C10orf90: variants seen among roughly 807,000 people sequenced by gnomAD.
C10orf90 encodes the protein (E2-independent) E3 ubiquitin-conjugating enzyme FATS.
A neutral mutation model predicts 62.5 loss-of-function variants in C10orf90; 56 were observed. That is an observed-to-expected ratio of 0.90 (90% CI 0.72 to 1.12). C10orf90 has a LOEUF of 1.12. C10orf90 is among the 50% of genes most tolerant of loss of function. The pLI is 0.00. For missense variants in C10orf90, 970 were observed against 880.4 expected (o/e 1.10, Z -1.29); for synonymous variants, 386 against 340.4 (o/e 1.13, Z -1.47).
At chr10:126,655,042 C>T (rs977941723) in intron 1 of C10orf90, among the ~76,000 whole-genome samples, 2 of 152,026 alleles carry the variant, frequency 1.3e-5, no homozygotes, top group African/African-American at 2.4e-5. Context: ...AATATGAGGC[C>T]GGGCGCGGTG....
intron 6 of C10orf90, among the ~76,000 whole-genome samples, chr10:126,460,431 C>A (rs935614940): frequency 6.6e-6 from 1 of 152,204 alleles, no homozygotes; most frequent in East Asian, 1.9e-4. Context: ...AGTGCCCAGG[C>A]GGAAGAAGTG....
intron 2 of C10orf90, among the ~76,000 whole-genome samples, chr10:126,615,681 AC>A (rs1222027956): frequency 6.6e-6 from 1 of 152,056 alleles, no homozygotes; most frequent in Non-Finnish European, 1.5e-5. Flanking sequence ...CATTGTAGGG[AC>A]CAAAAATGAG....
chr10:126,498,356 C>T (rs750065149), intron 4 of C10orf90, among the ~76,000 whole-genome samples: 11 of 152,190 alleles, frequency 7.2e-5, no homozygotes, highest in Non-Finnish European at 1.3e-4. Flanking sequence ...AGTCACTGCC[C>T]CCACTCCTGG....
In C10orf90 at chr10:126,459,168, C is replaced by T. The variant is rs146050899; in HGVS notation, c.2060G>A (p.Arg687Gln). 108 of 1,614,142 alleles carry T rather than the reference C, an allele frequency of 6.7e-5. No homozygotes were observed. Among genetic ancestry groups the T allele is most frequent in the African/African-American group, 4.0e-4 (30 of 75,044 alleles). The part of the protein sequence containing the change: ...KPQFISRSQE[R>Q]LKKLEHMVQQ... ...GACCATGTGTTCAAGCTTCTTCAGCCGTTCTTGTGAGCGAGAAATGAACTG... is the reference window on the plus strand; with the variant it reads ...GACCATGTGTTCAAGCTTCTTCAGCTGTTCTTGTGAGCGAGAAATGAACTG... Residue 687 changes from arginine (R) to glutamine (Q), a missense_variant, in exon 7 of 10, where the codon CGG (arginine) becomes CAG (glutamine). Physicochemically the swap from Arg to Gln is conservative, Grantham distance 43 (BLOSUM62 1). Transcript: ENST00000488181.
At chr10:126,530,203 C>T (rs138403187) in intron 2 of C10orf90, among the ~76,000 whole-genome samples, 20 of 151,718 alleles carry the variant, frequency 1.3e-4, no homozygotes, top group Admixed American at 3.3e-4. Context: ...ATAAACTATA[C>T]GTATGCACAT....
At chr10:126,432,293 C>G (rs1405588686) in intron 7 of C10orf90, among the ~76,000 whole-genome samples, 1 of 152,128 alleles carries the variant, frequency 6.6e-6, no homozygotes, top group Middle Eastern at 3.2e-3. Flanking sequence ...TTTGGGAGCC[C>G]TGACCAAGAA....
At chr10:126,645,484 G>T (rs1846151985) in intron 2 of C10orf90, among the ~76,000 whole-genome samples, 1 of 151,846 alleles carries the variant, frequency 6.6e-6, no homozygotes, top group Non-Finnish European at 1.5e-5. Context: ...CAGCTACTTG[G>T]GAGGCTGAAG....
intron 4 of C10orf90, among the ~76,000 whole-genome samples, chr10:126,487,886 T>G (rs1322198249): frequency 6.6e-6 from 1 of 152,100 alleles, no homozygotes; most frequent in Non-Finnish European, 1.5e-5. Flanking sequence ...AGTATCTCTG[T>G]TTGAGGGGAT....
intron 7 of C10orf90, among the ~76,000 whole-genome samples, chr10:126,431,381 C>A (rs1182455375): frequency 6.6e-6 from 1 of 152,156 alleles, no homozygotes; most frequent in Non-Finnish European, 1.5e-5. Context: ...TAAGAAGGAG[C>A]AGTGAGAAAA....
chr10:126,465,072 G>A (rs1304468062), intron 4 of C10orf90, 86 bp from the exon 5 acceptor site: 12 of 1,425,944 alleles, frequency 8.4e-6, no homozygotes, highest in South Asian at 2.6e-5. Flanking sequence ...TGCTTTTCTC[G>A]GGACAGACTT....
intron 7 of C10orf90, among the ~76,000 whole-genome samples, chr10:126,457,573 A>T (rs1859665989): frequency 2.0e-5 from 3 of 152,312 alleles, no homozygotes; most frequent in Admixed American, 2.0e-4. Context: ...TTGTGTGTGT[A>T]TGTGAGTCTT....
chr10:126,601,402 C>T (rs1327271695), intron 2 of C10orf90, among the ~76,000 whole-genome samples: 2 of 152,102 alleles, frequency 1.3e-5, no homozygotes, highest in Non-Finnish European at 2.9e-5. Context: ...ACTATAGAAG[C>T]CATTTTAGTA....
chr10:126,426,327 G>A (rs887410103), intron 8 of C10orf90, among the ~76,000 whole-genome samples: 15 of 152,264 alleles, frequency 9.9e-5, no homozygotes, highest in Admixed American at 9.8e-4. Flanking sequence ...AACAGGCAGA[G>A]TCCCACCAGG....
intron 7 of C10orf90, among the ~76,000 whole-genome samples, chr10:126,436,196 A>C (rs1232064686): frequency 6.6e-6 from 1 of 152,216 alleles, no homozygotes; most frequent in Non-Finnish European, 1.5e-5. Context: ...CCAGAAACTT[A>C]CAATATGAAT....
At position 126,623,488 on chromosome 10, in the gene C10orf90, C is replaced by T. The variant is rs79342950; in HGVS notation, c.313+23077G>A. Among the ~76,000 whole-genome samples, 1,108 of 152,134 alleles carry T rather than the reference C, an allele frequency of 7.3e-3. 17 individuals carry two copies. The highest frequency in any genetic ancestry group is 0.025 in the African/African-American group (1,039 of 41,490). On this transcript the variant is annotated intron_variant, in intron 2 of 9. Coordinates refer to ENST00000488181, the MANE Select transcript of C10orf90 (RefSeq NM_001350921.2). ...TCTCACATCATTTTATTTTCCTTTG[C>T]GGAGCTCACCAACACCTGACAATTT...
intron 4 of C10orf90, chr10:126,470,023 C>T (rs1860490773): frequency 2.2e-6 from 1 of 456,296 alleles, no homozygotes; most frequent in Non-Finnish European, 4.4e-6. Context: ...GAGGGAAAGG[C>T]ATTCTTCTGC....
chr10:126,575,399 A>C (rs1243626153), intron 2 of C10orf90, among the ~76,000 whole-genome samples: 1 of 152,076 alleles, frequency 6.6e-6, no homozygotes, highest in East Asian at 1.9e-4. Context: ...GGAAAACTAC[A>C]AAACACTGAT....
At chr10:126,664,781 T>C (rs1426076007) in intron 1 of C10orf90, among the ~76,000 whole-genome samples, 1 of 152,192 alleles carries the variant, frequency 6.6e-6, no homozygotes, top group Non-Finnish European at 1.5e-5. Context: ...GAGACCTCAC[T>C]CACCAGATTT....
chr10:126,551,772 C>T lies in C10orf90; in HGVS notation c.314-37833G>A, dbSNP rs886437553. The stretch of plus-strand genomic sequence containing the variant: ...CAGCATTAAATCAAAAATCGCTTTC[C>T]TTATTGATAAGGGCCTTGCACGCTT... On this transcript the variant is annotated intron_variant, in intron 2 of 9. Coordinates refer to ENST00000488181, the MANE Select transcript of C10orf90 (RefSeq NM_001350921.2). Among the ~76,000 whole-genome samples the T allele has an allele frequency of 2.6e-5, 4 of 152,190 alleles. No individual in the cohort carries two copies. The South Asian group carries it at 8.3e-4, about 31-fold the overall frequency.
Sources: gnomAD v4.1 joint callset for allele counts (sites outside exome capture counted in the v4.1 genomes callset) on GRCh38, gnomAD v4.1.1 for gene constraint, MANE v1.5 for transcripts, NCBI Gene and HGNC (gene_info 2026-07-23, HGNC 2026-07-21) for gene names.